GRID1: variants seen among roughly 807,000 people sequenced by gnomAD.
The protein encoded by GRID1 is glutamate ionotropic receptor delta type subunit 1, also known as glutamate receptor ionotropic, delta-1.
In GRID1, 28 loss-of-function variants were observed where a neutral mutation model predicts 98.0. That is an observed-to-expected ratio of 0.29 (90% CI 0.21 to 0.39). The LOEUF (loss-of-function observed/expected upper bound fraction) is 0.39. Ranked by LOEUF, GRID1 falls within the 10% of genes least tolerant of loss-of-function variation. GRID1 has a pLI of 1.00. For synonymous variants in GRID1, 553 were observed against 538.5 expected (o/e 1.03, Z -0.37); for missense variants, 1,111 against 1,340.5 (o/e 0.83, Z 2.67).
chr10:85,785,435 G>A (rs1842419055), intron 8 of GRID1, among the ~76,000 whole-genome samples: 1 of 152,218 alleles, frequency 6.6e-6, no homozygotes, highest in Admixed American at 6.5e-5. Context: ...AAAGAGACAA[G>A]AAAAGTGGGG....
chr10:86,339,069 A>G (rs1023359639), intron 2 of GRID1, among the ~76,000 whole-genome samples: 14 of 152,064 alleles, frequency 9.2e-5, no homozygotes, highest in African/African-American at 3.4e-4. Context: ...CTCCTCTCTC[A>G]ATTCAAAGGC....
intron 8 of GRID1, among the ~76,000 whole-genome samples, chr10:85,751,985 C>A (rs192229014): frequency 1.4e-3 from 218 of 152,282 alleles, no homozygotes; most frequent in African/African-American, 5.0e-3. Context: ...TGCTAGTCAG[C>A]CTACTCTGAC....
At chr10:86,245,282 G>T (rs1846705302) in intron 2 of GRID1, among the ~76,000 whole-genome samples, 1 of 152,228 alleles carries the variant, frequency 6.6e-6, no homozygotes, top group Non-Finnish European at 1.5e-5. Context: ...CTTACGGCAA[G>T]TGGGCCAGTG....
chr10:85,792,303 T>C (rs952240799), intron 8 of GRID1, among the ~76,000 whole-genome samples: 2 of 152,340 alleles, frequency 1.3e-5, no homozygotes, highest in Admixed American at 1.3e-4. Flanking sequence ...AGCTCTAAAA[T>C]GCAGACAGTG....
chr10:86,184,194 A>C (rs1261894493), intron 3 of GRID1, among the ~76,000 whole-genome samples: 2 of 152,034 alleles, frequency 1.3e-5, no homozygotes. Flanking sequence ...ATTTCTCCTC[A>C]GTTTTGGCTT....
At chr10:85,934,497 G>C (rs1841900878) in intron 4 of GRID1, among the ~76,000 whole-genome samples, 1 of 151,062 alleles carries the variant, frequency 6.6e-6, no homozygotes, top group Non-Finnish European at 1.5e-5. Context: ...ACACCTCCAG[G>C]CTAGCTGTGG....
intron 4 of GRID1, among the ~76,000 whole-genome samples, chr10:86,056,928 C>G (rs1339500070): frequency 3.3e-5 from 5 of 152,230 alleles, no homozygotes; most frequent in Non-Finnish European, 5.9e-5. Context: ...TCAGAAGATG[C>G]CTTGTGCTTC....
chr10:86,051,117 G>A (rs1485419037), intron 4 of GRID1, among the ~76,000 whole-genome samples: 1 of 150,984 alleles, frequency 6.6e-6, no homozygotes, highest in African/African-American at 2.4e-5. Flanking sequence ...AAAATATATA[G>A]AATAAAGCTA....
intron 2 of GRID1, among the ~76,000 whole-genome samples, chr10:86,226,708 G>A (rs2132033282): frequency 6.9e-6 from 1 of 145,718 alleles, no homozygotes; most frequent in African/African-American, 2.6e-5. Flanking sequence ...AGTCACCTTG[G>A]ACAAGTGCCC....
chr10:86,264,651 G>GT (rs2132057460), intron 2 of GRID1: 1 of 465,132 alleles, frequency 2.1e-6, no homozygotes, highest in Admixed American at 2.3e-5. Flanking sequence ...GAGCGAAGTG[G>GT]TGAGTCTGTA....
intron 4 of GRID1, among the ~76,000 whole-genome samples, chr10:86,005,199 C>T (rs1380135673): frequency 6.6e-6 from 1 of 152,102 alleles, no homozygotes; most frequent in Non-Finnish European, 1.5e-5. Flanking sequence ...AACAGTTCTC[C>T]TGCAGAAGAC....
At chr10:86,284,282 T>G (rs1171329819) in intron 2 of GRID1, among the ~76,000 whole-genome samples, 2 of 151,938 alleles carry the variant, frequency 1.3e-5, no homozygotes, top group Non-Finnish European at 2.9e-5. Flanking sequence ...TCACACACAC[T>G]TGCACACACA....
chr10:85,682,796 G>A (rs1841225326), intron 12 of GRID1, among the ~76,000 whole-genome samples: 1 of 152,204 alleles, frequency 6.6e-6, no homozygotes, highest in Non-Finnish European at 1.5e-5. Flanking sequence ...CCCTGTATCT[G>A]ATGTGCAGCC....
chr10:85,922,697 C>T (rs140069584), intron 4 of GRID1, among the ~76,000 whole-genome samples: 41 of 152,300 alleles, frequency 2.7e-4, no homozygotes, highest in South Asian at 6.2e-4. Context: ...CATGCAGGAG[C>T]GCAACGCCCC....
At chr10:86,260,571 T>A (rs1287738172) in intron 2 of GRID1, among the ~76,000 whole-genome samples, 1 of 152,154 alleles carries the variant, frequency 6.6e-6, no homozygotes, top group Non-Finnish European at 1.5e-5. Context: ...TGGACACCAG[T>A]AGCAGATGAC....
At chr10:86,182,668 A>G (rs1029959656) in intron 3 of GRID1, among the ~76,000 whole-genome samples, 19 of 152,252 alleles carry the variant, frequency 1.2e-4, no homozygotes, top group African/African-American at 4.6e-4. Context: ...TTCCTTTGTC[A>G]TACATTTCAA....
chr10:85,724,746 G>C (rs868001245), intron 10 of GRID1, 70 bp from the exon 11 acceptor site: 11 of 1,282,978 alleles, frequency 8.6e-6, no homozygotes, highest in Non-Finnish European at 1.1e-5. Flanking sequence ...CTGGGTCAAG[G>C]TCCACCCTCT....
intron 12 of GRID1, chr10:85,649,939 ATC>A (rs1032470367): frequency 1.3e-5 from 2 of 152,344 alleles, no homozygotes; most frequent in African/African-American, 4.8e-5. Context: ...GTGCAGAGGA[ATC>A]TCTCCCATCT....
intron 2 of GRID1, among the ~76,000 whole-genome samples, chr10:86,264,996 C>T (rs1847082634): frequency 6.6e-6 from 1 of 152,236 alleles, no homozygotes; most frequent in Admixed American, 6.5e-5. Context: ...CTTGCCCAGC[C>T]TTTTCCTTCC....
Sources: allele counts gnomAD v4.1 joint callset (sites outside exome capture counted in the v4.1 genomes callset), GRCh38; gene constraint gnomAD v4.1.1; transcripts MANE v1.5; gene names NCBI Gene and HGNC (gene_info 2026-07-23, HGNC 2026-07-21).